CHDH: variants seen among roughly 807,000 people sequenced by gnomAD.
CHDH encodes the protein choline dehydrogenase, mitochondrial.
A neutral mutation model predicts 56.9 loss-of-function variants in CHDH; 43 were observed. The observed-to-expected ratio is 0.76, with a 90% CI of 0.59 to 0.97. The LOEUF is 0.97. Ranked by LOEUF, CHDH falls within the 50% of genes least tolerant of loss-of-function variation. The pLI, the probability that CHDH is intolerant of heterozygous loss-of-function variation, is 0.00. For missense variants in CHDH, 816 were observed against 821.1 expected, an observed-to-expected ratio of 0.99 and a Z score of 0.08; for synonymous variants, 364 against 348.5, an observed-to-expected ratio of 1.04 and a Z score of -0.50.
intron 5 of CHDH, among the ~76,000 whole-genome samples, 158 bp from the exon 6 acceptor site, chr3:53,820,766 A>G (rs1200450917): frequency 6.6e-6 from 1 of 152,190 alleles, no homozygotes; most frequent in East Asian, 1.9e-4. Context: ...CCTCCCAGAG[A>G]CACTATGTGT....
At position 53,815,892 on chromosome 3, in the gene CHDH, G is replaced by A. The variant is rs981467450; in HGVS notation, c.*1885C>T. 5 of 152,252 alleles carry A rather than the reference G, an allele frequency of 3.3e-5. No individual in the cohort carries two copies. The highest frequency in any genetic ancestry group is 2.1e-4 in the South Asian group (1 of 4,826). 9.4% of individuals were successfully genotyped at this position (152,252 alleles called of 1,614,324 possible). ...CTCTTGCAGGCAGCCCCGAGACCCA[G>A]GTGACTGATGGCCATGGACTGCTGC... On this transcript the variant is annotated 3_prime_UTR_variant, in exon 9 of 9. Transcript: ENST00000315251.
At chr3:53,841,757 C>A (rs192593325) in intron 1 of CHDH, among the ~76,000 whole-genome samples, 21 of 152,304 alleles carry the variant, frequency 1.4e-4, no homozygotes, top group Non-Finnish European at 2.2e-4. Context: ...TCAACCTGCA[C>A]CCATGGCCCT....
intron 2 of CHDH, 38 bp from the exon 3 acceptor site, chr3:53,824,105 G>A (rs1029920749): frequency 1.1e-5 from 13 of 1,211,050 alleles, no homozygotes; most frequent in Admixed American, 3.3e-5. Context: ...TCTTAACTCC[G>A]CATATCCAGG....
intron 2 of CHDH, among the ~76,000 whole-genome samples, chr3:53,839,275 C>T (rs911195514): frequency 2.6e-5 from 4 of 152,286 alleles, no homozygotes; most frequent in South Asian, 2.1e-4. Context: ...ATCAATCCAC[C>T]GACTCACAAG....
At chr3:53,830,023 A>G (rs1287463254) in intron 2 of CHDH, among the ~76,000 whole-genome samples, 2 of 152,232 alleles carry the variant, frequency 1.3e-5, no homozygotes, top group African/African-American at 2.4e-5. Context: ...ATACTTAGTA[A>G]TAAACTTAAA....
rs1181486715 is a variant in CHDH at position 53,814,477 on chromosome 3, C to T, written c.*3300G>A. The T allele has an allele frequency of 6.6e-6, 1 of 152,190 alleles. No homozygotes were observed. Among genetic ancestry groups the T allele is most frequent in the Non-Finnish European group, 1.5e-5 (1 of 68,046 alleles). The allele number at this position is 152,190 out of a possible 1,614,324, so 9.4% of individuals were successfully genotyped here. A position where few individuals can be genotyped will look rare whatever the true frequency, so the allele number is the denominator to read the frequency against. On this transcript the variant is annotated 3_prime_UTR_variant, in exon 9 of 9. Coordinates refer to ENST00000315251, the MANE Select transcript of CHDH (RefSeq NM_018397.5). ...CAGGCCTGGGCCCTGGTTCCAACAT[C>T]AAGAGTGACAGGGTGGTCTCAGGGA...
Position 53,828,159 on chromosome 3 carries a change from CTA to C in CHDH, c.-59-4094_-59-4093del, listed in dbSNP as rs796159483. 5.4e-3 allele frequency among the ~76,000 whole-genome samples: 538 copies of C among 99,274 alleles called. 3 individuals are homozygous for C. Among genetic ancestry groups the C allele is most frequent in the African/African-American group, 0.023 (469 of 20,698 alleles). The allele number at this position is 99,274 out of a possible 152,430, so 65.1% of individuals were successfully genotyped here. The stretch of plus-strand genomic sequence containing the variant: ...TTTTCAACAAAGGGAGCTGGAATAA[CTA>C]GACACACACACACACACACACACAC... On this transcript the variant is annotated intron_variant, in intron 2 of 8. Coordinates refer to ENST00000315251, the MANE Select transcript of CHDH (RefSeq NM_018397.5).
rs1178213155 is a variant in CHDH, at chr3:53,814,053, A to G, written c.*3724T>C. 6.6e-6 allele frequency: 1 copy of G among 151,972 alleles called. No individual in the cohort carries two copies. Among genetic ancestry groups the G allele is most frequent in the African/African-American group, 2.4e-5 (1 of 41,328 alleles). 9.4% of individuals were successfully genotyped at this position (151,972 alleles called of 1,614,324 possible). A position where few individuals can be genotyped will look rare whatever the true frequency, so the allele number is the denominator to read the frequency against. ...TTCCAGCTCTATCCTACGAAGTTTC[A>G]GAATTGGGCGAAGGCCAGGCGTGGT... On this transcript the variant is annotated 3_prime_UTR_variant, in exon 9 of 9. Coordinates refer to ENST00000315251, the MANE Select transcript of CHDH (RefSeq NM_018397.5).
At chr3:53,840,497 A>C (rs1698637006) in intron 2 of CHDH, among the ~76,000 whole-genome samples, 1 of 150,316 alleles carries the variant, frequency 6.7e-6, no homozygotes, top group Non-Finnish European at 1.5e-5. Flanking sequence ...ACTGTACTCC[A>C]GCCTGGATGA....
In CHDH at chr3:53,818,207, A is replaced by C; in HGVS notation, c.1367-12T>G. ...CTCAATATCAGTTTCTGTCGAGGAGAAGAAACAGGTGAGGACCCCTCCTTT... is the reference window on the plus strand; with the variant it reads ...CTCAATATCAGTTTCTGTCGAGGAGCAGAAACAGGTGAGGACCCCTCCTTT... On this transcript the variant is annotated splice_polypyrimidine_tract_variant and intron_variant, in intron 8 of 8. Transcript: ENST00000315251. 1.3e-6 allele frequency: 2 copies of C among 1,586,770 alleles called. No homozygotes were observed. The highest frequency in any genetic ancestry group is 1.7e-6 in the Non-Finnish European group (2 of 1,168,064).
intron 2 of CHDH, among the ~76,000 whole-genome samples, chr3:53,830,562 C>G (rs1698301566): frequency 6.6e-6 from 1 of 151,958 alleles, no homozygotes; most frequent in Admixed American, 6.5e-5. Context: ...CTGGAGACTT[C>G]AATACTCAGA....
rs778467138 is a variant in CHDH at position 53,822,535 on chromosome 3, G to A, written c.811C>T (p.Arg271Cys). Residue 271 changes from arginine (R) to cysteine (C), a missense_variant, in exon 4 of 9, where the codon CGT becomes TGT. Transcript: ENST00000315251. Reference sequence around the variant, plus strand: ...TTGACATACTCCACGCCCACTGCACGGGTGCCCTCAAATAGCACCCTGCTC... The same window carrying A: ...TTGACATACTCCACGCCCACTGCACAGGTGCCCTCAAATAGCACCCTGCTC... ...LVSRVLFEGT[R>C]AVGVEYVKNG... is the part of the protein sequence containing the mutation. 2.2e-5 allele frequency: 35 copies of A among 1,613,514 alleles called. No homozygotes were observed. The highest frequency in any genetic ancestry group is 2.3e-5 in the Non-Finnish European group (27 of 1,179,968).
rs2095621325 is a variant in CHDH, at chr3:53,819,160, A to ATGTT, written c.1264-124_1264-121dup. 2 of 695,960 alleles carry ATGTT rather than the reference A, an allele frequency of 2.9e-6. No homozygotes were observed. Among genetic ancestry groups the ATGTT allele is most frequent in the Non-Finnish European group, 4.9e-6 (2 of 406,944 alleles). The allele number at this position is 695,960 out of a possible 1,614,324, so 43.1% of individuals were successfully genotyped here. ...TCCAGAATCAGTGGGGAACAGATGC[A>ATGTT]TGTTAGCATTTGCCCGCATGGTACC... is the stretch of plus-strand genomic sequence containing the variant. On this transcript the variant is annotated intron_variant, in intron 7 of 8. Coordinates refer to ENST00000315251, the MANE Select transcript of CHDH (RefSeq NM_018397.5). This position sits in a 1 kb window ranked among gnomAD's most constrained non-coding sequence, Gnocchi z 5.4.
intron 2 of CHDH, among the ~76,000 whole-genome samples, chr3:53,830,331 A>G (rs1188558569): frequency 2.0e-5 from 3 of 152,006 alleles, no homozygotes; most frequent in Non-Finnish European, 2.9e-5. Flanking sequence ...CCTCACATCA[A>G]CATGGATGAA....
Position 53,817,993 on chromosome 3 carries a change from A to C in CHDH, c.1569T>G (p.Asp523Glu). ...TCTGCGGATCCACCACGGCAGTGGG[A>C]TCGGAGGGCTGGCCCATCTTACAGG... ...SCTCKMGQPS[D>E]PTAVVDPQTR... Residue 523 changes from aspartate (D) to glutamate (E), a missense_variant, in exon 9 of 9, where the codon GAT becomes GAG. Transcript: ENST00000315251. 1 of 1,614,198 alleles carries C rather than the reference A, an allele frequency of 6.2e-7. No individual in the cohort carries two copies. The highest frequency in any genetic ancestry group is 2.2e-5 in the East Asian group (1 of 44,884).
rs932171628 is a variant in CHDH at position 53,815,136 on chromosome 3, G to C, written c.*2641C>G. 6.6e-6 allele frequency: 1 copy of C among 152,262 alleles called. No homozygotes were observed. Among genetic ancestry groups the C allele is most frequent in the Non-Finnish European group, 1.5e-5 (1 of 68,066 alleles). The allele number at this position is 152,262 out of a possible 1,614,324, so 9.4% of individuals were successfully genotyped here. ...CCTATCCCCTATTCCATCAGGAGCTGCCTTCTACTAGTGCAGCGGCTTCAA... is the reference window on the plus strand; with the variant it reads ...CCTATCCCCTATTCCATCAGGAGCTCCCTTCTACTAGTGCAGCGGCTTCAA... On this transcript the variant is annotated 3_prime_UTR_variant, in exon 9 of 9. Transcript: ENST00000315251.
intron 5 of CHDH, among the ~76,000 whole-genome samples, chr3:53,821,066 G>A (rs1035958372): frequency 6.6e-6 from 1 of 152,242 alleles, no homozygotes; most frequent in South Asian, 2.1e-4. Context: ...CTGGGACACT[G>A]GGCAGGTCAA....
Position 53,816,215 on chromosome 3 carries a change from G to A in CHDH, c.*1562C>T, listed in dbSNP as rs895873796. The A allele has an allele frequency of 1.2e-4, 15 of 125,426 alleles. No individual in the cohort carries two copies. The highest frequency in any genetic ancestry group is 3.3e-4 in the African/African-American group (11 of 33,258). 7.8% of individuals were successfully genotyped at this position (125,426 alleles called of 1,614,324 possible). ...GCCTGGAATCCCCCAATTTCCTCCC[G>A]TCCTTATTCTGGGCCTAGTATAGCT... On this transcript the variant is annotated 3_prime_UTR_variant, in exon 9 of 9. Coordinates refer to ENST00000315251, the MANE Select transcript of CHDH (RefSeq NM_018397.5).
chr3:53,834,588 T>C (rs1698436027), intron 2 of CHDH, among the ~76,000 whole-genome samples: 1 of 152,196 alleles, frequency 6.6e-6, no homozygotes, highest in Admixed American at 6.5e-5. Context: ...TTTTATAACT[T>C]TGGTAGAGTG....
Sources: gnomAD v4.1 joint callset for allele counts (sites outside exome capture counted in the v4.1 genomes callset) on GRCh38, gnomAD v4.1.1 for gene constraint, Gnocchi (gnomAD v3.1) non-coding constraint, MANE v1.5 for transcripts, NCBI Gene and HGNC (gene_info 2026-07-23, HGNC 2026-07-21) for gene names.